IL1RAPL1: variants seen among roughly 807,000 people sequenced by gnomAD.
IL1RAPL1 encodes the protein interleukin-1 receptor accessory protein-like 1.
In IL1RAPL1, 3 loss-of-function variants were observed where a neutral mutation model predicts 48.4. The observed-to-expected ratio is 0.06, with a 90% CI of 0.03 to 0.16. The LOEUF (loss-of-function observed/expected upper bound fraction) is 0.16. IL1RAPL1 is among the 10% of genes least tolerant of loss of function. IL1RAPL1 has a pLI of 1.00. For missense variants in IL1RAPL1, 349 were observed against 530.6 expected, an observed-to-expected ratio of 0.66 and a Z score of 3.36; for synonymous variants, 185 against 187.7, an observed-to-expected ratio of 0.99 and a Z score of 0.12.
At chrX:29,913,052 GTGAT>G (rs1302709228) in intron 6 of IL1RAPL1, among the ~76,000 whole-genome samples, 2 of 110,980 alleles carry the variant, frequency 1.8e-5, no homozygotes, top group African/African-American at 6.6e-5. Context: ...TGACACAGGT[GTGAT>G]TAATTACTTT....
chrX:29,535,919 A>G (rs1319217875), intron 5 of IL1RAPL1, among the ~76,000 whole-genome samples: 1 of 112,129 alleles, frequency 8.9e-6, no homozygotes, highest in Non-Finnish European at 1.9e-5. Context: ...TTCCTGGGTT[A>G]GTTTAAATGT....
intron 2 of IL1RAPL1, among the ~76,000 whole-genome samples, chrX:29,137,989 T>C (rs1031341278): frequency 8.9e-6 from 1 of 112,833 alleles, no homozygotes; most frequent in Admixed American, 9.4e-5. Flanking sequence ...TAAAGTGTTA[T>C]TTATTTTAGC....
At chrX:29,590,983 G>A (rs951160668) in intron 5 of IL1RAPL1, among the ~76,000 whole-genome samples, 1 of 112,553 alleles carries the variant, frequency 8.9e-6, no homozygotes, top group African/African-American at 3.2e-5. Context: ...AACCTGTTAA[G>A]ATTTAGGCTA....
At chrX:28,895,508 T>G (rs1438226396) in intron 2 of IL1RAPL1, among the ~76,000 whole-genome samples, 1 of 108,389 alleles carries the variant, frequency 9.2e-6, no homozygotes, top group Non-Finnish European at 1.9e-5. Flanking sequence ...GGCTTTGAAC[T>G]GGGGAAAAGG....
In IL1RAPL1 at chrX:29,538,184, AAAAT is replaced by A. The variant is rs768858048; in HGVS notation, c.704-130242_704-130239del. The stretch of plus-strand genomic sequence containing the variant: ...TTATATTAAAAATATATTATTTTGT[AAAAT>A]AAACCATTAAAAAAAAAGCCAATTA... On this transcript the variant is annotated intron_variant, in intron 5 of 10. Coordinates refer to ENST00000378993, the MANE Select transcript of IL1RAPL1 (RefSeq NM_014271.4). Among the ~76,000 whole-genome samples the A allele has an allele frequency of 1.5e-3, 162 of 108,873 alleles. 1 individual carries two copies. Among genetic ancestry groups the A allele is most frequent in the African/African-American group, 4.9e-3 (148 of 30,146 alleles). 94.5% of individuals were successfully genotyped at this position (108,873 alleles called of 115,157 possible). A position where few individuals can be genotyped will look rare whatever the true frequency, so the allele number is the denominator to read the frequency against.
At chrX:29,920,794 C>CA (rs1176529100) in intron 8 of IL1RAPL1, among the ~76,000 whole-genome samples, 1,413 of 31,520 alleles carry the variant, frequency 0.045, 87 homozygotes, top group East Asian at 0.072. Context: ...GACCCTGTCT[C>CA]AAAAAAAAAA....
intron 1 of IL1RAPL1, among the ~76,000 whole-genome samples, chrX:28,611,418 A>T (rs928001593): frequency 8.1e-5 from 9 of 111,099 alleles, no homozygotes; most frequent in African/African-American, 3.0e-4. Context: ...TTTACAATTG[A>T]CTCCATTAAA....
intron 3 of IL1RAPL1, among the ~76,000 whole-genome samples, chrX:29,290,009 C>CT (rs1396754394): frequency 9.0e-6 from 1 of 111,187 alleles, no homozygotes; most frequent in Admixed American, 9.6e-5. Context: ...CTATGTAACT[C>CT]TTTTTTCTCA....
intron 1 of IL1RAPL1, among the ~76,000 whole-genome samples, chrX:28,766,298 A>G (rs1936237549): frequency 9.0e-6 from 1 of 111,193 alleles, no homozygotes; most frequent in South Asian, 3.8e-4. Flanking sequence ...GAAAATAGAA[A>G]TCAAATCAAC....
intron 5 of IL1RAPL1, among the ~76,000 whole-genome samples, chrX:29,428,545 T>C (rs988120533): frequency 5.4e-5 from 6 of 110,528 alleles, no homozygotes; most frequent in African/African-American, 2.0e-4. Context: ...ATATTTGCTT[T>C]GTTAAAAAAA....
intron 3 of IL1RAPL1, among the ~76,000 whole-genome samples, chrX:29,373,103 C>A (rs1193674404): frequency 2.7e-5 from 3 of 111,197 alleles, no homozygotes; most frequent in African/African-American, 9.8e-5. Context: ...GTTCTTTCAG[C>A]AATGTTTTTT....
chrX:29,148,162 CATAT>C (rs773954270), intron 2 of IL1RAPL1, among the ~76,000 whole-genome samples: 1 of 111,587 alleles, frequency 9.0e-6, no homozygotes, highest in African/African-American at 3.3e-5. Flanking sequence ...TATATACATA[CATAT>C]ATAGTCTATA....
chrX:29,506,957 G>A (rs1271327541), intron 5 of IL1RAPL1, among the ~76,000 whole-genome samples: 2 of 109,253 alleles, frequency 1.8e-5, no homozygotes, highest in Non-Finnish European at 3.8e-5. Flanking sequence ...ATTTTTTTTT[G>A]CATACTTGGT....
intron 5 of IL1RAPL1, among the ~76,000 whole-genome samples, chrX:29,514,866 A>G (rs2340369): frequency 0.46 from 51,405 of 111,393 alleles, 8,557 homozygotes; most frequent in East Asian, 0.7. Flanking sequence ...TAGTGAAATC[A>G]ATCAAGTTGT....
chrX:28,757,522 G>C (rs1004263337), intron 1 of IL1RAPL1, among the ~76,000 whole-genome samples: 1 of 112,415 alleles, frequency 8.9e-6, no homozygotes, highest in Admixed American at 9.4e-5. Flanking sequence ...CACAATGACA[G>C]ATGTGACTTA....
chrX:29,396,097 C>T (rs1313767556), intron 3 of IL1RAPL1, among the ~76,000 whole-genome samples, 161 bp from the exon 4 acceptor site: 1 of 112,657 alleles, frequency 8.9e-6, no homozygotes, highest in Non-Finnish European at 1.9e-5. Context: ...TATTGTTTAG[C>T]TGGGTAGCAA....
In IL1RAPL1 at chrX:29,663,117, A is replaced by C. The variant is rs756142894; in HGVS notation, c.704-5313A>C. Among the ~76,000 whole-genome samples the C allele has an allele frequency of 2.4e-3, 268 of 112,453 alleles. 1 individual carries two copies. Among genetic ancestry groups the C allele is most frequent in the African/African-American group, 8.4e-3 (261 of 30,996 alleles). On this transcript the variant is annotated intron_variant, in intron 5 of 10. Coordinates refer to ENST00000378993, the MANE Select transcript of IL1RAPL1 (RefSeq NM_014271.4). ...TTAGAAACTAATGTTTAAACATTCC[A>C]GGCCAAAGAAAGCAAAACTGAAATT...
chrX:29,103,001 A>G (rs953810181), intron 2 of IL1RAPL1, among the ~76,000 whole-genome samples: 2 of 112,412 alleles, frequency 1.8e-5, no homozygotes. Flanking sequence ...AAGATATTCC[A>G]TGTTCATGGA....
At chrX:28,801,150 G>C (rs977191490) in intron 2 of IL1RAPL1, among the ~76,000 whole-genome samples, 3 of 110,041 alleles carry the variant, frequency 2.7e-5, no homozygotes, top group African/African-American at 9.9e-5. Flanking sequence ...CAAAGTGCTG[G>C]GATTACAGGC....
Sources: allele counts gnomAD v4.1 joint callset (sites outside exome capture counted in the v4.1 genomes callset), GRCh38; gene constraint gnomAD v4.1.1; transcripts MANE v1.5; gene names NCBI Gene and HGNC (gene_info 2026-07-23, HGNC 2026-07-21).